The following PLEKHH3 variants were observed in gnomAD, a reference collection of about 807,000 sequenced individuals.
The protein encoded by PLEKHH3 is pleckstrin homology, MyTH4 and FERM domain containing H3, also known as pleckstrin homology domain-containing family H member 3.
In PLEKHH3, 57 loss-of-function variants were observed where a neutral mutation model predicts 77.8. That is an observed-to-expected ratio of 0.73 (90% CI 0.59 to 0.91). The LOEUF (loss-of-function observed/expected upper bound fraction) is 0.91. Ranked by LOEUF, PLEKHH3 falls within the 40% of genes least tolerant of loss-of-function variation. The pLI, the probability that PLEKHH3 is intolerant of heterozygous loss-of-function variation, is 0.00. For missense variants in PLEKHH3, 1,082 were observed against 1,091.2 expected (o/e 0.99, Z 0.12); for synonymous variants, 467 against 504.8 (o/e 0.93, Z 1.00).
rs2052698934 is a variant in PLEKHH3, at chr17:42,671,435, T to C, written c.1200A>G (p.Gln400=). The part of the protein sequence containing the change: ...PSLAEISALS[Q]RQELLCTVHC... ...GCACGGTACACAGCAGCTCCTGCCG[T>C]TGGCTCAACGCGGAAATCTCCGCCA... The change falls in exon 8 of 13, where the codon CAA becomes CAG. Residue 400 remains glutamine (Q), a synonymous_variant. Transcript: ENST00000591022. This position sits in a 1 kb window ranked among gnomAD's most constrained non-coding sequence, Gnocchi z 4.7. 6.2e-7 allele frequency: 1 copy of C among 1,613,180 alleles called. No homozygotes were observed. The highest frequency in any genetic ancestry group is 2.2e-5 in the East Asian group (1 of 44,874).
chr17:42,676,183 G>A lies in PLEKHH3; in HGVS notation c.162+219C>T, dbSNP rs1010704559. 12 of 1,383,716 alleles carry A rather than the reference G, an allele frequency of 8.7e-6. No individual in the cohort carries two copies. The African/African-American group carries it at 1.2e-4, about 14-fold the overall frequency. 85.7% of individuals were successfully genotyped at this position (1,383,716 alleles called of 1,614,324 possible). A position where few individuals can be genotyped will look rare whatever the true frequency, so the allele number is the denominator to read the frequency against. On this transcript the variant is annotated intron_variant, in intron 1 of 12. Transcript: ENST00000591022. This position sits in a 1 kb window ranked among gnomAD's most constrained non-coding sequence, Gnocchi z 6.6. ...TCCCCTGCCTCAGGGCCCCCAGCAGGTGGATAGCGCCCAGCCTGCAGCGGG... is the reference window on the plus strand; with the variant it reads ...TCCCCTGCCTCAGGGCCCCCAGCAGATGGATAGCGCCCAGCCTGCAGCGGG...
intron 6 of PLEKHH3, 132 bp downstream of exon 6, chr17:42,673,044 T>A: frequency 7.8e-7 from 1 of 1,288,934 alleles, no homozygotes; most frequent in Non-Finnish European, 1.0e-6. Context: ...CAGTTTCACC[T>A]TCATCCTTCG....
At position 42,668,294 on chromosome 17, in the gene PLEKHH3, T is replaced by C. The variant is rs1297550174; in HGVS notation, c.2215A>G (p.Ile739Val). The change falls in exon 13 of 13, where the codon ATC becomes GTC. Residue 739 changes from isoleucine to valine, a missense_variant. This residue lies in a region of PLEKHH3 where 733 missense variants were observed against 750.0 expected (regional missense o/e 0.98). Coordinates refer to ENST00000591022, the MANE Select transcript of PLEKHH3 (RefSeq NM_024927.5). ...AAGTAGGCATTCACCAGCTGCATGA[T>C]CTCTTCCACCTAAGAGAGGGCAGAG... ...LLLQSPQVEE[I>V]MQLVNAYLAN... 6 of 1,547,644 alleles carry C rather than the reference T, an allele frequency of 3.9e-6. No homozygotes were observed. The highest frequency in any genetic ancestry group is 1.7e-4 in the Middle Eastern group (1 of 5,852).
intron 2 of PLEKHH3, 92 bp from the exon 3 acceptor site, chr17:42,674,105 C>A: frequency 7.4e-7 from 1 of 1,350,740 alleles, no homozygotes. Flanking sequence ...TGTCTGCTCC[C>A]AAGCTGGGCA....
Position 42,673,989 on chromosome 17 carries a change from C to G in PLEKHH3, c.243G>C (p.Trp81Cys). The change falls in exon 3 of 13, where the codon TGG becomes TGC. Residue 81 changes from tryptophan to cysteine, a missense_variant. Around this residue, in one of 3 missense-constraint regions of PLEKHH3, gnomAD observed 344 missense variants for 320.8 expected, o/e 1.07. Coordinates refer to ENST00000591022, the MANE Select transcript of PLEKHH3 (RefSeq NM_024927.5). Reference sequence around the variant, plus strand: ...GCAGCCCTTTCTCCGGGATGAGGCTCCAAGTCTCCTCCCAGCTCTGCAGCC... The same window carrying G: ...GCAGCCCTTTCTCCGGGATGAGGCTGCAAGTCTCCTCCCAGCTCTGCAGCC... ...SNRLQSWEET[W>C]SLIPEKGLPE... 6.2e-7 allele frequency: 1 copy of G among 1,613,376 alleles called. No individual in the cohort carries two copies. Among genetic ancestry groups the G allele is most frequent in the Non-Finnish European group, 8.5e-7 (1 of 1,179,902 alleles).
Position 42,676,471 on chromosome 17 carries a change from CCCGCTAAGCTCG to C in PLEKHH3, c.81_92del (p.Glu28_Gly31del). The C allele has an allele frequency of 6.2e-7, 1 of 1,612,950 alleles. No individual in the cohort carries two copies. Among genetic ancestry groups the C allele is most frequent in the Non-Finnish European group, 8.5e-7 (1 of 1,179,746 alleles). On this transcript the variant is annotated inframe_deletion, in exon 1 of 13. Transcript: ENST00000591022. The surrounding 1 kb of genome is among the most constrained non-coding windows in gnomAD (Gnocchi z 6.6). ...CCTCGTCCTCGTCCTCGTCCCCGTCCCCGCTAAGCTCGCCGTCCCCGTAGTCCCGGTGCAGAA... is the reference window on the plus strand; with the variant it reads ...CCTCGTCCTCGTCCTCGTCCCCGTCCCCGTCCCCGTAGTCCCGGTGCAGAA...
chr17:42,670,754 G>A (rs1345012995), intron 9 of PLEKHH3, 49 bp from the exon 10 acceptor site: 1 of 1,582,642 alleles, frequency 6.3e-7, no homozygotes, highest in East Asian at 2.3e-5. Context: ...GGACCCCTAC[G>A]GCGAGGGCAG....
chr17:42,676,392 C>T lies in PLEKHH3; in HGVS notation c.162+10G>A, dbSNP rs779998240. The T allele has an allele frequency of 6.2e-7, 1 of 1,612,652 alleles. No individual in the cohort carries two copies. Among genetic ancestry groups the T allele is most frequent in the Non-Finnish European group, 8.5e-7 (1 of 1,179,626 alleles). ...TGATTGAGACGAGGCTCCGAACCCC[C>T]GGGACTTACCCTCCCGCCGCCCGCT... On this transcript the variant is annotated intron_variant, in intron 1 of 12. Coordinates refer to ENST00000591022, the MANE Select transcript of PLEKHH3 (RefSeq NM_024927.5). This position sits in a 1 kb window ranked among gnomAD's most constrained non-coding sequence, Gnocchi z 6.6.
rs2052721223 is a variant in PLEKHH3, at chr17:42,672,320, C to T, written c.842G>A (p.Arg281Gln). Residue 281 changes from arginine (R) to glutamine (Q), a missense_variant, in exon 7 of 13, where the codon CGG becomes CAG. Arg to Gln is a conservative substitution (Grantham distance 43). Around this residue, in one of 3 missense-constraint regions of PLEKHH3, gnomAD observed 733 missense variants for 750.0 expected, o/e 0.98. Transcript: ENST00000591022. ...ACCCTGCATCAAGGGCCCGGGGCGC[C>T]GCGCCCCCTCCAGCGCCTGCAGCGC... ...FLALQALEGA[R>Q]RPGPLMQGVL... 1.9e-6 allele frequency: 3 copies of T among 1,548,124 alleles called. No individual in the cohort carries two copies. The highest frequency in any genetic ancestry group is 1.7e-6 in the Non-Finnish European group (2 of 1,146,494).
In PLEKHH3 at chr17:42,670,667, T is replaced by G. The variant is rs1385992276; in HGVS notation, c.1460A>C (p.Asp487Ala). 1 of 1,612,670 alleles carries G rather than the reference T, an allele frequency of 6.2e-7. No homozygotes were observed. The highest frequency in any genetic ancestry group is 1.1e-5 in the South Asian group (1 of 91,052). ...ACGCAGACATAGTCTCCACCCGGAG[T>G]CGGGCGAGTCCTCCAACCCAGCTTC... ...AEEAGLEDSP[D>A]SGWRLCLRLH... is the part of the protein sequence containing the mutation. The change falls in exon 10 of 13, where the codon GAC becomes GCC. Residue 487 changes from aspartate (D) to alanine (A), a missense_variant. Physicochemically the swap from Asp to Ala is moderately radical, Grantham distance 126 (BLOSUM62 -2). This residue lies in a region of PLEKHH3 where 733 missense variants were observed against 750.0 expected (regional missense o/e 0.98). Transcript: ENST00000591022.
At position 42,669,917 on chromosome 17, in the gene PLEKHH3, C is replaced by T; in HGVS notation, c.2013+1G>A. 4 of 1,613,616 alleles carry T rather than the reference C, an allele frequency of 2.5e-6. No homozygotes were observed. The highest frequency in any genetic ancestry group is 3.4e-6 in the Non-Finnish European group (4 of 1,179,922). ...GTCCCCTTCTCCCTTCTCCCCCTCA[C>T]CGTGCTCAGCTCCAGAACGTCATAC... On this transcript the variant is annotated splice_donor_variant, in intron 11 of 12. Coordinates refer to ENST00000591022, the MANE Select transcript of PLEKHH3 (RefSeq NM_024927.5). LOFTEE classifies it high-confidence loss of function.
In PLEKHH3 at chr17:42,671,970, G is replaced by T; in HGVS notation, c.1076+116C>A. 1.2e-6 allele frequency: 1 copy of T among 841,930 alleles called. No homozygotes were observed. The highest frequency in any genetic ancestry group is 2.7e-5 in the East Asian group (1 of 36,364). The allele number at this position is 841,930 out of a possible 1,614,324, so 52.2% of individuals were successfully genotyped here. On this transcript the variant is annotated intron_variant, in intron 7 of 12. Coordinates refer to ENST00000591022, the MANE Select transcript of PLEKHH3 (RefSeq NM_024927.5). The surrounding 1 kb of genome is among the most constrained non-coding windows in gnomAD (Gnocchi z 4.7). ...ATAGGATCTTGTATCTCCCACAAAG[G>T]CACTGTATGTATTACTCGGTTCTTT...
rs2143615923 is a variant in PLEKHH3, at chr17:42,676,232, A to C, written c.162+170T>G. On this transcript the variant is annotated intron_variant, in intron 1 of 12. Transcript: ENST00000591022. This position sits in a 1 kb window ranked among gnomAD's most constrained non-coding sequence, Gnocchi z 6.6. ...GGAGGCCCACAGGCACATCCCGAGTAGGGCTGCTGCTCCGAGAGCTCCCGG... is the reference window on the plus strand; with the variant it reads ...GGAGGCCCACAGGCACATCCCGAGTCGGGCTGCTGCTCCGAGAGCTCCCGG... 7.2e-7 allele frequency: 1 copy of C among 1,389,278 alleles called. No homozygotes were observed. The highest frequency in any genetic ancestry group is 2.5e-5 in the East Asian group (1 of 39,508). The allele number at this position is 1,389,278 out of a possible 1,614,324, so 86.1% of individuals were successfully genotyped here.
rs943804320 is a variant in PLEKHH3 at position 42,671,466 on chromosome 17, G to A, written c.1169C>T (p.Pro390Leu). 6 of 1,613,034 alleles carry A rather than the reference G, an allele frequency of 3.7e-6. No homozygotes were observed. The African/African-American group carries it at 8.0e-5, about 22-fold the overall frequency. ...LGRTRGRELV[P>L]SLAEISALSQ... ...CAACGCGGAAATCTCCGCCAGCGAGGGCACCAGCTCTCTGCCGCGCGTCCG... is the reference window on the plus strand; with the variant it reads ...CAACGCGGAAATCTCCGCCAGCGAGAGCACCAGCTCTCTGCCGCGCGTCCG... Residue 390 changes from proline (P) to leucine (L), a missense_variant, in exon 8 of 13, where the codon CCC becomes CTC. Coordinates refer to ENST00000591022, the MANE Select transcript of PLEKHH3 (RefSeq NM_024927.5). This position sits in a 1 kb window ranked among gnomAD's most constrained non-coding sequence, Gnocchi z 4.7.
chr17:42,676,346 G>T lies in PLEKHH3; in HGVS notation c.162+56C>A. 1 of 1,600,228 alleles carries T rather than the reference G, an allele frequency of 6.2e-7. No homozygotes were observed. On this transcript the variant is annotated intron_variant, in intron 1 of 12. Transcript: ENST00000591022. The surrounding 1 kb of genome is among the most constrained non-coding windows in gnomAD (Gnocchi z 6.6). Reference sequence around the variant, plus strand: ...GCTGGAGGCTGGAGCGGATCAGCGTGACGGCCGGTTACAGCGAGAGTGATT... The same window carrying T: ...GCTGGAGGCTGGAGCGGATCAGCGTTACGGCCGGTTACAGCGAGAGTGATT...
Position 42,670,295 on chromosome 17 carries a change from G to A in PLEKHH3, c.1636C>T (p.Leu546=), listed in dbSNP as rs1310984862. ...ACCCGCGGAGAGAAGTCCCGCTGCA[G>A]GCTCTGCAGGCGCAGCGCCGCCAGG... ...RALAALRLQS[L]QRDFSPRVPL... The change falls in exon 11 of 13, where the codon CTG becomes TTG. Residue 546 remains leucine (L), a synonymous_variant. Transcript: ENST00000591022. 7.4e-7 allele frequency: 1 copy of A among 1,354,056 alleles called. No homozygotes were observed. The highest frequency in any genetic ancestry group is 9.4e-7 in the Non-Finnish European group (1 of 1,059,240). The allele number at this position is 1,354,056 out of a possible 1,614,324, so 83.9% of individuals were successfully genotyped here. A position where few individuals can be genotyped will look rare whatever the true frequency, so the allele number is the denominator to read the frequency against.
At position 42,668,115 on chromosome 17, in the gene PLEKHH3, C is replaced by A; in HGVS notation, c.*12G>T. 1 of 1,415,736 alleles carries A rather than the reference C, an allele frequency of 7.1e-7. No individual in the cohort carries two copies. The highest frequency in any genetic ancestry group is 1.5e-5 in the African/African-American group (1 of 67,510). The allele number at this position is 1,415,736 out of a possible 1,614,324, so 87.7% of individuals were successfully genotyped here. On this transcript the variant is annotated 3_prime_UTR_variant, in exon 13 of 13. Coordinates refer to ENST00000591022, the MANE Select transcript of PLEKHH3 (RefSeq NM_024927.5). ...CTGCAGGCAGGAGGGAAGTCGTGAC[C>A]TCTTGGCAGGCTCAGTCCTGCAGCT...
chr17:42,676,511 G>C lies in PLEKHH3; in HGVS notation c.53C>G (p.Thr18Ser). 1 of 1,602,588 alleles carries C rather than the reference G, an allele frequency of 6.2e-7. No individual in the cohort carries two copies. Among genetic ancestry groups the C allele is most frequent in the Non-Finnish European group, 8.5e-7 (1 of 1,174,794 alleles). Residue 18 changes from threonine (T) to serine (S), a missense_variant, in exon 1 of 13, where the codon ACT becomes AGT. Physicochemically the swap from Thr to Ser is moderately conservative, Grantham distance 58 (BLOSUM62 1). Coordinates refer to ENST00000591022, the MANE Select transcript of PLEKHH3 (RefSeq NM_024927.5). The surrounding 1 kb of genome is among the most constrained non-coding windows in gnomAD (Gnocchi z 6.6). ...GTCCCCGTAGTCCCGGTGCAGAAGA[G>C]TGAAGCCTCGACGGCAGCAGAGAAG... Reference protein sequence around the residue: ...WWLLCCRRGFTLLHRDYGDGE... With the variant: ...WWLLCCRRGFSLLHRDYGDGE...
chr17:42,673,523 T>C lies in PLEKHH3; in HGVS notation c.524A>G (p.His175Arg), dbSNP rs951622911. The C allele has an allele frequency of 5.0e-6, 8 of 1,600,560 alleles. No individual in the cohort carries two copies. The highest frequency in any genetic ancestry group is 6.8e-6 in the Non-Finnish European group (8 of 1,174,598). The change falls in exon 5 of 13, where the codon CAC becomes CGC. Residue 175 changes from histidine (H) to arginine (R), a missense_variant. Around this residue, in one of 3 missense-constraint regions of PLEKHH3, gnomAD observed 344 missense variants for 320.8 expected, o/e 1.07. Transcript: ENST00000591022. ...LWSVTVSGRK[H>R]SVRLCSPRQA... ...GCGTGGGGAGCAGAGGCGGACACTG[T>C]GTTTCCGACCAGACACAGTCACTGA...
Sources: gnomAD v4.1 joint callset for allele counts on GRCh38, gnomAD v4.1.1 for gene constraint, gnomAD v4.1.1 regional missense constraint, Gnocchi (gnomAD v3.1) non-coding constraint, MANE v1.5 for transcripts, NCBI Gene and HGNC (gene_info 2026-07-23, HGNC 2026-07-21) for gene names.